CELF2: variants seen among roughly 807,000 people sequenced by gnomAD.
CELF2 encodes CUGBP Elav-like family member 2.
Under a neutral mutation model 62.6 loss-of-function variants are expected in CELF2, and 8 were observed. The ratio of observed to expected loss-of-function variants is 0.13; its 90% CI spans 0.07 to 0.23. The LOEUF is 0.23. CELF2 is among the 10% of genes least tolerant of loss of function. The probability of loss-of-function intolerance (pLI) is 1.00; values close to 1 mark genes in which losing one functional copy is unlikely to be tolerated. For synonymous variants in CELF2, 258 were observed against 250.0 expected (o/e 1.03, Z -0.30); for missense variants, 333 against 671.0 (o/e 0.50, Z 5.56).
chr10:10,912,242 C>T (rs1212973776), intron 1 of CELF2, among the ~76,000 whole-genome samples: 3 of 152,170 alleles, frequency 2.0e-5, no homozygotes, highest in Non-Finnish European at 4.4e-5. Flanking sequence ...AAAATTACAG[C>T]CTCTGCCACC....
intron 8 of CELF2, among the ~76,000 whole-genome samples, chr10:11,277,164 G>A (rs111655081): frequency 1.3e-5 from 2 of 152,284 alleles, no homozygotes; most frequent in Admixed American, 6.5e-5. Context: ...CTCTTCCTAC[G>A]TATTTGAAGT....
chr10:10,486,828 T>C, the CELF2 span, among the ~76,000 whole-genome samples: 1 of 152,140 alleles, frequency 6.6e-6, no homozygotes, highest in Non-Finnish European at 1.5e-5. Context: ...CATTGACATG[T>C]GTTAAAAGCA....
chr10:11,154,336 A>G lies in CELF2; in HGVS notation c.75-11150A>G, dbSNP rs1028073209. On this transcript the variant is annotated intron_variant, in intron 1 of 12. Coordinates refer to ENST00000633077, the MANE Select transcript of CELF2 (RefSeq NM_001326342.2). The stretch of plus-strand genomic sequence containing the variant: ...AAAGAGACAGGACCTATAGATTTCC[A>G]AATCAAAATGTAGTATTTGGTACTG... Among the ~76,000 whole-genome samples the G allele has an allele frequency of 2.0e-5, 3 of 152,366 alleles. No individual in the cohort carries two copies. In the South Asian group the frequency reaches 6.2e-4, roughly 32 times the overall value.
chr10:10,689,013 A>G, the CELF2 span, among the ~76,000 whole-genome samples: 1 of 152,098 alleles, frequency 6.6e-6, no homozygotes, highest in Non-Finnish European at 1.5e-5. Context: ...CTCTCCTAAA[A>G]AAAAAGTAGT....
At chr10:10,818,770 G>T (rs990128806) in intron 1 of CELF2, among the ~76,000 whole-genome samples, 2 of 152,022 alleles carry the variant, frequency 1.3e-5, no homozygotes, top group Non-Finnish European at 2.9e-5. Context: ...TAGAGATGGG[G>T]TTTCCCCATG....
intron 1 of CELF2, among the ~76,000 whole-genome samples, chr10:11,144,032 C>CT (rs2061800810): frequency 6.6e-6 from 1 of 152,104 alleles, no homozygotes; most frequent in Non-Finnish European, 1.5e-5. Context: ...TAATGCTTTG[C>CT]TAGTGGTACA....
the CELF2 span, among the ~76,000 whole-genome samples, chr10:10,500,059 A>T: frequency 6.6e-6 from 1 of 152,180 alleles, no homozygotes; most frequent in Non-Finnish European, 1.5e-5. Flanking sequence ...ATAACATTTA[A>T]GTGAGTCATA....
intron 1 of CELF2, among the ~76,000 whole-genome samples, chr10:11,058,522 G>A (rs368381440): frequency 5.6e-5 from 8 of 143,546 alleles, no homozygotes; most frequent in East Asian, 2.1e-4. Flanking sequence ...GCTGGAGTGC[G>A]GTGGTGCGAT....
At position 11,011,456 on chromosome 10, in the gene CELF2, T is replaced by TTTA. The variant is rs1452868290; in HGVS notation, c.53+6023_53+6025dup. 2.0e-5 allele frequency among the ~76,000 whole-genome samples: 3 copies of TTTA among 150,138 alleles called. No individual in the cohort carries two copies. Among genetic ancestry groups the TTTA allele is most frequent in the Non-Finnish European group, 4.4e-5 (3 of 67,912 alleles). ...GTCATTAGGACACCCTGAATTCATC[T>TTTA]TTATTATTAAAAAAAAAAAAAACGC... is the stretch of plus-strand genomic sequence containing the variant. On this transcript the variant is annotated intron_variant, in intron 1 of 12. Transcript: ENST00000416382. This position sits in a 1 kb window ranked among gnomAD's most constrained non-coding sequence, Gnocchi z 4.6.
chr10:10,508,867 G>A, the CELF2 span, among the ~76,000 whole-genome samples: 1 of 151,974 alleles, frequency 6.6e-6, no homozygotes, highest in Non-Finnish European at 1.5e-5. Context: ...GTAGAGACAG[G>A]GTTTCACTAT....
intron 2 of CELF2, among the ~76,000 whole-genome samples, chr10:11,173,896 G>A (rs954616484): frequency 2.6e-5 from 4 of 152,184 alleles, no homozygotes; most frequent in Admixed American, 6.5e-5. Flanking sequence ...ATGATTTAGC[G>A]ACAGATTGAC....
Position 11,253,910 on chromosome 10 carries a change from T to G in CELF2, c.404-3828T>G, listed in dbSNP as rs188771969. 5.6e-4 allele frequency among the ~76,000 whole-genome samples: 86 copies of G among 152,302 alleles called. 2 individuals carry two copies. In the East Asian group the frequency reaches 0.015, roughly 26 times the overall value. ...AAATGACTTTTACCCTTCAAGTGTTTTTTTGTTTTGTTTTGTTTTGGTTTT... is the reference window on the plus strand; with the variant it reads ...AAATGACTTTTACCCTTCAAGTGTTGTTTTGTTTTGTTTTGTTTTGGTTTT... On this transcript the variant is annotated intron_variant, in intron 4 of 12. Coordinates refer to ENST00000633077, the MANE Select transcript of CELF2 (RefSeq NM_001326342.2).
At chr10:10,536,933 G>C in the CELF2 span, among the ~76,000 whole-genome samples, 1 of 152,172 alleles carries the variant, frequency 6.6e-6, no homozygotes, top group African/African-American at 2.4e-5. Context: ...GGGCTCCACT[G>C]GCTAGTGTTG....
At chr10:11,175,718 T>C (rs543275838) in intron 2 of CELF2, among the ~76,000 whole-genome samples, 1 of 152,246 alleles carries the variant, frequency 6.6e-6, no homozygotes, top group East Asian at 1.9e-4. Context: ...CCTGGGACCG[T>C]TTTAATGTTG....
At chr10:10,866,749 C>T (rs1367242684) in intron 1 of CELF2, among the ~76,000 whole-genome samples, 3 of 151,064 alleles carry the variant, frequency 2.0e-5, no homozygotes, top group Admixed American at 6.6e-5. Flanking sequence ...GGTAAAACCC[C>T]ATCTTTACTA....
At chr10:10,592,244 A>C in the CELF2 span, among the ~76,000 whole-genome samples, 3 of 152,196 alleles carry the variant, frequency 2.0e-5, no homozygotes, top group Admixed American at 6.5e-5. Flanking sequence ...CCTGGCTGAC[A>C]TTTGATACTA....
chr10:10,539,533 T>C, the CELF2 span, among the ~76,000 whole-genome samples: 497 of 142,846 alleles, frequency 3.5e-3, 3 homozygotes, highest in East Asian at 0.018. Context: ...CATCCCACTA[T>C]ACAGATGGCA....
At chr10:10,939,750 C>T (rs187602404) in intron 2 of CELF2, among the ~76,000 whole-genome samples, 1,578 of 151,818 alleles carry the variant, frequency 0.01, 24 homozygotes, top group African/African-American at 0.037. Context: ...GTCAGGAGAT[C>T]GAGACCATCC....
At chr10:10,731,427 C>T in the CELF2 span, among the ~76,000 whole-genome samples, 5 of 152,060 alleles carry the variant, frequency 3.3e-5, no homozygotes, top group African/African-American at 1.2e-4. Flanking sequence ...CATTGTATTG[C>T]ATACAACATA....
Sources: gnomAD v4.1 joint callset for allele counts (sites outside exome capture counted in the v4.1 genomes callset) on GRCh38, gnomAD v4.1.1 for gene constraint, Gnocchi (gnomAD v3.1) non-coding constraint, MANE v1.5 for transcripts, NCBI Gene and HGNC (gene_info 2026-07-23, HGNC 2026-07-21) for gene names.